Variants in ADGB observed in about 807,000 individuals in gnomAD.
The protein encoded by ADGB is calpain-7-like protein.
In ADGB, 172 loss-of-function variants were observed where a neutral mutation model predicts 210.5. The ratio of observed to expected loss-of-function variants is 0.82; its 90% CI spans 0.72 to 0.93. ADGB has a LOEUF of 0.93. ADGB is among the 40% of genes least tolerant of loss of function. ADGB has a pLI of 0.00. For synonymous variants in ADGB, 658 were observed against 662.7 expected (o/e 0.99, Z 0.11); for missense variants, 2,025 against 1,964.8 (o/e 1.03, Z -0.58).
intron 9 of ADGB, among the ~76,000 whole-genome samples, chr6:146,684,804 C>A (rs767772997): frequency 5.3e-5 from 8 of 151,876 alleles, no homozygotes; most frequent in Non-Finnish European, 1.0e-4. Flanking sequence ...CATCATCAAA[C>A]AAATGTAGCA....
At chr6:146,745,883 C>G in intron 25 of ADGB, 39 bp from the exon 26 acceptor site, 1 of 1,452,548 alleles carries the variant, frequency 6.9e-7, no homozygotes. Flanking sequence ...AGAATAATAA[C>G]GACATAATTC....
intron 22 of ADGB, among the ~76,000 whole-genome samples, chr6:146,734,441 T>A (rs1342973332): frequency 6.6e-6 from 1 of 152,164 alleles, no homozygotes; most frequent in Non-Finnish European, 1.5e-5. Context: ...TTCAAACAAA[T>A]GAGTGAATAA....
chr6:146,740,333 G>A, intron 23 of ADGB, 126 bp from the exon 24 acceptor site: 1 of 854,010 alleles, frequency 1.2e-6, no homozygotes, highest in South Asian at 1.9e-5. Context: ...CTTTGATCAA[G>A]ATCTCAATCT....
intron 1 of ADGB, among the ~76,000 whole-genome samples, chr6:146,632,099 C>T (rs1459452196): frequency 2.0e-5 from 3 of 152,024 alleles, no homozygotes; most frequent in Non-Finnish European, 4.4e-5. Context: ...CTTCAAATCA[C>T]ATACATTCAT....
At chr6:146,755,589 G>A (rs1180344324) in intron 27 of ADGB, among the ~76,000 whole-genome samples, 3 of 152,056 alleles carry the variant, frequency 2.0e-5, no homozygotes, top group East Asian at 1.9e-4. Context: ...CAGCCATGCG[G>A]AACTGTGTGT....
At chr6:146,789,146 T>A (rs1777920877) in intron 33 of ADGB, among the ~76,000 whole-genome samples, 1 of 152,212 alleles carries the variant, frequency 6.6e-6, no homozygotes, top group Non-Finnish European at 1.5e-5. Flanking sequence ...ACACTCCTGG[T>A]TTCCATGAAT....
chr6:146,737,071 A>G (rs539181195), intron 23 of ADGB, among the ~76,000 whole-genome samples: 2 of 152,204 alleles, frequency 1.3e-5, no homozygotes, highest in South Asian at 4.2e-4. Flanking sequence ...CTCCCCGCCA[A>G]TATATATACA....
At chr6:146,748,926 G>A (rs116571574) in intron 26 of ADGB, among the ~76,000 whole-genome samples, 2,262 of 152,094 alleles carry the variant, frequency 0.015, 53 homozygotes, top group African/African-American at 0.052. Context: ...CTGGAGTAGA[G>A]CCCACTCTAA....
At chr6:146,813,265 T>A (rs1778329166) in intron 35 of ADGB, among the ~76,000 whole-genome samples, 1 of 132,268 alleles carries the variant, frequency 7.6e-6, no homozygotes, top group East Asian at 3.6e-4. Context: ...TTTGCTTACT[T>A]CTTCAGAGTG....
At chr6:146,700,713 T>C (rs77951170) in intron 12 of ADGB, among the ~76,000 whole-genome samples, 9,367 of 152,204 alleles carry the variant, frequency 0.062, 935 homozygotes, top group African/African-American at 0.21. Flanking sequence ...AATAGTGTTC[T>C]AGAATTTTTA....
chr6:146,643,534 G>A (rs981256953), intron 2 of ADGB, among the ~76,000 whole-genome samples: 2 of 150,594 alleles, frequency 1.3e-5, no homozygotes, highest in Non-Finnish European at 3.0e-5. Flanking sequence ...CTCTTACATA[G>A]TACTTGCCCA....
intron 3 of ADGB, among the ~76,000 whole-genome samples, chr6:146,652,698 T>C (rs1473304017): frequency 6.6e-6 from 1 of 152,160 alleles, no homozygotes; most frequent in Non-Finnish European, 1.5e-5. Flanking sequence ...TAACAGGATA[T>C]TAACTTGAAC....
chr6:146,785,875 A>G (rs996802726), intron 32 of ADGB, among the ~76,000 whole-genome samples, 163 bp downstream of exon 32: 1 of 152,126 alleles, frequency 6.6e-6, no homozygotes, highest in African/African-American at 2.4e-5. Flanking sequence ...CTATATGAAT[A>G]GTGCTTCAAT....
intron 27 of ADGB, among the ~76,000 whole-genome samples, chr6:146,754,379 T>C (rs1777371675): frequency 6.6e-6 from 1 of 151,710 alleles, no homozygotes; most frequent in Non-Finnish European, 1.5e-5. Flanking sequence ...ATCTACTTTG[T>C]CAATATTTAT....
Position 146,692,811 on chromosome 6 carries a change from C to T in ADGB, c.1487-14C>T. On this transcript the variant is annotated splice_polypyrimidine_tract_variant and intron_variant, in intron 11 of 35. Coordinates refer to ENST00000397944, the MANE Select transcript of ADGB (RefSeq NM_024694.4). ...TTTAAATGTACATCATACTTTCTAA[C>T]TGCTACTTTTTAGAGTTAATAGTAA... is the stretch of plus-strand genomic sequence containing the variant. The T allele has an allele frequency of 8.5e-6, 12 of 1,417,106 alleles. No homozygotes were observed. Among genetic ancestry groups the T allele is most frequent in the Non-Finnish European group, 1.1e-5 (12 of 1,043,812 alleles). 87.8% of individuals were successfully genotyped at this position (1,417,106 alleles called of 1,614,324 possible).
In ADGB at chr6:146,601,284, T is replaced by A. The variant is rs537468611; in HGVS notation, c.74+2170T>A. Among the ~76,000 whole-genome samples the A allele has an allele frequency of 2.6e-5, 4 of 152,234 alleles. No homozygotes were observed. The East Asian group carries it at 7.7e-4, about 29-fold the overall frequency. Reference sequence around the variant, plus strand: ...TTTTCTAGAAAATATCTGAATTATATCAATAAAAATGTATGCATACATTTA... The same window carrying A: ...TTTTCTAGAAAATATCTGAATTATAACAATAAAAATGTATGCATACATTTA... On this transcript the variant is annotated intron_variant, in intron 1 of 35. Transcript: ENST00000397944.
intron 27 of ADGB, among the ~76,000 whole-genome samples, chr6:146,758,628 G>C (rs1467326300): frequency 6.6e-6 from 1 of 151,960 alleles, no homozygotes; most frequent in East Asian, 1.9e-4. Context: ...TCCAAAAGTA[G>C]AGCCAACATC....
intron 13 of ADGB, 23 bp from the exon 14 acceptor site, chr6:146,715,359 A>T (rs1776717326): frequency 6.0e-6 from 9 of 1,494,656 alleles, no homozygotes; most frequent in African/African-American, 1.4e-5. Flanking sequence ...TTGGATTCAA[A>T]GTGTGTTTCT....
At chr6:146,805,628 A>C (rs533925117) in intron 35 of ADGB, among the ~76,000 whole-genome samples, 51 of 152,038 alleles carry the variant, frequency 3.4e-4, no homozygotes, top group Non-Finnish European at 6.8e-4. Context: ...TTGCCTTTCC[A>C]CTAACAGCAA....
Sources: gnomAD v4.1 joint callset for allele counts (sites outside exome capture counted in the v4.1 genomes callset) on GRCh38, gnomAD v4.1.1 for gene constraint, MANE v1.5 for transcripts, NCBI Gene and HGNC (gene_info 2026-07-23, HGNC 2026-07-21) for gene names.